Variants in CCSER1 observed in about 807,000 individuals in gnomAD.
CCSER1 encodes the protein coiled-coil serine rich protein 1.
CCSER1 carries 41 observed loss-of-function variants against 82.0 expected under a neutral mutation model. The ratio of observed to expected loss-of-function variants is 0.50; its 90% CI spans 0.39 to 0.65. CCSER1 has a LOEUF of 0.65. CCSER1 is among the 30% of genes least tolerant of loss of function. The probability of loss-of-function intolerance (pLI) is 0.00; values close to 1 mark genes in which losing one functional copy is unlikely to be tolerated. For missense variants in CCSER1, 1,119 were observed against 1,064.2 expected (o/e 1.05, Z -0.72); for synonymous variants, 414 against 383.9 (o/e 1.08, Z -0.92).
chr4:90,776,352 A>T (rs1002566117), intron 7 of CCSER1, among the ~76,000 whole-genome samples: 1 of 152,184 alleles, frequency 6.6e-6, no homozygotes, highest in African/African-American at 2.4e-5. Context: ...TCTTTTGGTT[A>T]AAAGAAGAAA....
At chr4:90,873,849 A>G (rs1434468910) in intron 8 of CCSER1, among the ~76,000 whole-genome samples, 1 of 152,180 alleles carries the variant, frequency 6.6e-6, no homozygotes, top group African/African-American at 2.4e-5. Context: ...TTTGTCCCTG[A>G]TAGTGACAGA....
intron 4 of CCSER1, among the ~76,000 whole-genome samples, chr4:90,448,186 A>G (rs1036255837): frequency 6.6e-6 from 1 of 151,942 alleles, no homozygotes; most frequent in African/African-American, 2.4e-5. Flanking sequence ...AGCAATTTTA[A>G]GTTAAGCATT....
intron 6 of CCSER1, among the ~76,000 whole-genome samples, chr4:90,660,970 A>C (rs1317976890): frequency 6.6e-6 from 1 of 152,172 alleles, no homozygotes; most frequent in Admixed American, 6.5e-5. Flanking sequence ...GTGCTCAATA[A>C]AGGTAAAAGG....
chr4:91,090,107 G>A (rs959448194), intron 10 of CCSER1, among the ~76,000 whole-genome samples: 1 of 152,176 alleles, frequency 6.6e-6, no homozygotes. Flanking sequence ...TGCCCAAGTG[G>A]TGGGTCCACA....
At chr4:90,163,825 G>C (rs759291103) in intron 1 of CCSER1, among the ~76,000 whole-genome samples, 20 of 152,120 alleles carry the variant, frequency 1.3e-4, no homozygotes, top group Non-Finnish European at 2.6e-4. Context: ...TGACTTTCTA[G>C]ATTTGTAGTA....
chr4:91,047,303 C>T (rs1360869971), intron 9 of CCSER1, among the ~76,000 whole-genome samples: 4 of 152,036 alleles, frequency 2.6e-5, no homozygotes, highest in Non-Finnish European at 5.9e-5. Context: ...TATATATTCA[C>T]CTCAGAATGA....
intron 9 of CCSER1, among the ~76,000 whole-genome samples, chr4:91,016,587 T>C (rs78170861): frequency 0.088 from 13,356 of 152,062 alleles, 839 homozygotes; most frequent in Middle Eastern, 0.15. Flanking sequence ...AACACAATTA[T>C]GTATCATGGC....
intron 10 of CCSER1, among the ~76,000 whole-genome samples, chr4:91,218,873 A>G (rs1301590158): frequency 1.3e-5 from 2 of 152,254 alleles, no homozygotes. Flanking sequence ...CAGGGTGATT[A>G]GAATCCTATT....
intron 6 of CCSER1, among the ~76,000 whole-genome samples, chr4:90,628,516 A>C (rs1485125746): frequency 3.9e-5 from 6 of 152,240 alleles, no homozygotes; most frequent in Non-Finnish European, 7.3e-5. Context: ...AATGAGTATC[A>C]GCTATATAGT....
chr4:90,849,462 G>T (rs1763583987), intron 8 of CCSER1, among the ~76,000 whole-genome samples: 1 of 152,122 alleles, frequency 6.6e-6, no homozygotes, highest in African/African-American at 2.4e-5. Flanking sequence ...GAGCATAAAT[G>T]TTGGGAAAAT....
At chr4:90,199,561 T>G (rs1438593954) in intron 1 of CCSER1, among the ~76,000 whole-genome samples, 1 of 150,534 alleles carries the variant, frequency 6.6e-6, no homozygotes, top group Non-Finnish European at 1.5e-5. Context: ...TAAACCCAAC[T>G]GTACATAACT....
intron 9 of CCSER1, among the ~76,000 whole-genome samples, chr4:90,982,578 G>A (rs1007032685): frequency 6.6e-6 from 1 of 151,684 alleles, no homozygotes; most frequent in Admixed American, 6.6e-5. Context: ...TGAGGGCAAA[G>A]GAAAGGCTGC....
rs573830400 is a variant in CCSER1 at position 90,536,055 on chromosome 4, C to T, written c.1724+67701C>T. ...TGTTTTTTTTTTTTTTTTTTTGAGA[C>T]GGAGTCTTGCTTTGTCGCCCAGGCT... On this transcript the variant is annotated intron_variant, in intron 5 of 10. Coordinates refer to ENST00000509176, the MANE Select transcript of CCSER1 (RefSeq NM_001145065.2). Among the ~76,000 whole-genome samples the T allele has an allele frequency of 1.6e-3, 175 of 109,694 alleles. 1 individual carries two copies. Among genetic ancestry groups the T allele is most frequent in the Admixed American group, 2.1e-3 (18 of 8,686 alleles). The allele number at this position is 109,694 out of a possible 152,430, so 72.0% of individuals were successfully genotyped here. A position where few individuals can be genotyped will look rare whatever the true frequency, so the allele number is the denominator to read the frequency against.
At chr4:91,098,916 G>A (rs529350767) in intron 10 of CCSER1, among the ~76,000 whole-genome samples, 8 of 152,260 alleles carry the variant, frequency 5.3e-5, no homozygotes, top group African/African-American at 1.4e-4. Flanking sequence ...TGAAGAAAAT[G>A]TACTATTCTT....
intron 8 of CCSER1, among the ~76,000 whole-genome samples, chr4:90,840,022 A>G (rs1209930918): frequency 6.6e-6 from 1 of 151,892 alleles, no homozygotes; most frequent in East Asian, 1.9e-4. Context: ...AATCAAGTAA[A>G]TATAATACAA....
intron 10 of CCSER1, among the ~76,000 whole-genome samples, chr4:91,353,856 C>A (rs1285025355): frequency 6.6e-6 from 1 of 152,146 alleles, no homozygotes; most frequent in Non-Finnish European, 1.5e-5. Flanking sequence ...TTGCTGGGAA[C>A]CAATTTCCAA....
chr4:90,450,146 A>G (rs1265576645), intron 4 of CCSER1, among the ~76,000 whole-genome samples: 4 of 152,180 alleles, frequency 2.6e-5, no homozygotes, highest in Admixed American at 2.0e-4. Context: ...TCAGAGGCCT[A>G]TGTAAGGGTC....
At position 90,825,253 on chromosome 4, in the gene CCSER1, G is replaced by A. The variant is rs796740829; in HGVS notation, c.2094+9408G>A. Among the ~76,000 whole-genome samples, 3 of 152,288 alleles carry A rather than the reference G, an allele frequency of 2.0e-5. No individual in the cohort carries two copies. In the South Asian group the frequency reaches 6.2e-4, roughly 32 times the overall value. ...TGAGTTAAAAATATTCCACCATATTGTGATCAAATTAGGCATGTAGTTGAA... is the reference window on the plus strand; with the variant it reads ...TGAGTTAAAAATATTCCACCATATTATGATCAAATTAGGCATGTAGTTGAA... On this transcript the variant is annotated intron_variant, in intron 8 of 10. Coordinates refer to ENST00000509176, the MANE Select transcript of CCSER1 (RefSeq NM_001145065.2).
chr4:91,015,230 A>G (rs1345508274), intron 9 of CCSER1: 1 of 152,096 alleles, frequency 6.6e-6, no homozygotes, highest in Non-Finnish European at 1.5e-5. Context: ...ACATGCAAGG[A>G]AAGTTCTATG....
Sources: allele counts gnomAD v4.1 joint callset (sites outside exome capture counted in the v4.1 genomes callset), GRCh38; gene constraint gnomAD v4.1.1; transcripts MANE v1.5; gene names NCBI Gene and HGNC (gene_info 2026-07-23, HGNC 2026-07-21).